DDX10: variants seen among roughly 807,000 people sequenced by gnomAD.
DDX10 encodes probable ATP-dependent RNA helicase DDX10.
DDX10 carries 74 observed loss-of-function variants against 104.3 expected under a neutral mutation model. The observed-to-expected ratio is 0.71, with a 90% CI of 0.59 to 0.86. DDX10 has a LOEUF of 0.86. DDX10 is among the 40% of genes least tolerant of loss of function. The pLI, the probability that DDX10 is intolerant of heterozygous loss-of-function variation, is 0.00. For missense variants in DDX10, 952 were observed against 1,040.0 expected (o/e 0.92, Z 1.16); for synonymous variants, 351 against 353.4 (o/e 0.99, Z 0.08).
intron 13 of DDX10, among the ~76,000 whole-genome samples, chr11:108,765,126 T>A (rs1191517141): frequency 6.6e-6 from 1 of 152,188 alleles, no homozygotes; most frequent in Non-Finnish European, 1.5e-5. Flanking sequence ...GGCAGAGTAA[T>A]CTACAGTAAC....
At chr11:108,937,013 T>C (rs1377564202) in intron 17 of DDX10, among the ~76,000 whole-genome samples, 4 of 152,202 alleles carry the variant, frequency 2.6e-5, no homozygotes, top group African/African-American at 9.7e-5. Flanking sequence ...AAATGACTGA[T>C]AGATAATTGG....
chr11:108,801,734 G>A (rs1178493821), intron 13 of DDX10, among the ~76,000 whole-genome samples: 1 of 151,472 alleles, frequency 6.6e-6, no homozygotes, highest in African/African-American at 2.4e-5. Flanking sequence ...TCAAATCCAG[G>A]TTTGTTTTTT....
intron 13 of DDX10, among the ~76,000 whole-genome samples, chr11:108,800,304 G>A (rs1368714481): frequency 1.3e-5 from 2 of 148,958 alleles, no homozygotes. Context: ...AATTAGCCAG[G>A]CATGGTGGCG....
intron 6 of DDX10, among the ~76,000 whole-genome samples, chr11:108,682,033 C>T (rs2094236016): frequency 6.6e-6 from 1 of 151,924 alleles, no homozygotes; most frequent in African/African-American, 2.4e-5. Flanking sequence ...AGTAGCAAAA[C>T]ACTTCCCTAC....
chr11:108,843,840 T>A (rs1862676093), intron 15 of DDX10, among the ~76,000 whole-genome samples: 2 of 152,218 alleles, frequency 1.3e-5, no homozygotes, highest in African/African-American at 4.8e-5. Context: ...TATAGCTAAC[T>A]ACTTTTAATT....
At chr11:108,694,912 A>C (rs2094257671) in intron 9 of DDX10, among the ~76,000 whole-genome samples, 2 of 152,126 alleles carry the variant, frequency 1.3e-5, no homozygotes, top group Admixed American at 1.3e-4. Context: ...ATAAAAAAAA[A>C]CCATAGTAAA....
intron 13 of DDX10, among the ~76,000 whole-genome samples, chr11:108,782,685 G>T (rs79136805): frequency 0.032 from 4,881 of 151,570 alleles, 186 homozygotes; most frequent in African/African-American, 0.094. Flanking sequence ...TCCCTTTATA[G>T]TGACCCTGTT....
intron 16 of DDX10, among the ~76,000 whole-genome samples, chr11:108,901,019 T>A (rs564349419): frequency 6.6e-6 from 1 of 152,268 alleles, no homozygotes; most frequent in African/African-American, 2.4e-5. Flanking sequence ...CTTCATGAAG[T>A]CTTTCTTAAT....
chr11:108,795,513 C>T (rs1409268824), intron 13 of DDX10, among the ~76,000 whole-genome samples: 1 of 122,498 alleles, frequency 8.2e-6, no homozygotes, highest in African/African-American at 3.1e-5. Flanking sequence ...CACAACAGGC[C>T]CCAGGGTGTG....
intron 13 of DDX10, among the ~76,000 whole-genome samples, chr11:108,821,844 G>C (rs1028308001): frequency 6.6e-6 from 1 of 152,136 alleles, no homozygotes; most frequent in Non-Finnish European, 1.5e-5. Context: ...AATTAGATTG[G>C]CATAGTTAAG....
chr11:108,703,779 T>C (rs1273922158), intron 9 of DDX10, among the ~76,000 whole-genome samples: 1 of 152,222 alleles, frequency 6.6e-6, no homozygotes, highest in African/African-American at 2.4e-5. Context: ...TTATGCCTTC[T>C]TTTAAAAAGT....
intron 17 of DDX10, chr11:108,919,890 A>G (rs1226888905): frequency 6.6e-6 from 1 of 152,060 alleles, no homozygotes; most frequent in Non-Finnish European, 1.5e-5. Context: ...CTTGTTCTCT[A>G]GTAGCTCATG....
At chr11:108,734,202 C>T (rs1475099753) in intron 13 of DDX10, among the ~76,000 whole-genome samples, 4 of 152,196 alleles carry the variant, frequency 2.6e-5, no homozygotes, top group Admixed American at 1.3e-4. Context: ...ATGTAATGTT[C>T]AGTTGACTTA....
intron 13 of DDX10, among the ~76,000 whole-genome samples, chr11:108,737,907 G>A (rs2094320344): frequency 6.6e-6 from 1 of 152,028 alleles, no homozygotes; most frequent in African/African-American, 2.4e-5. Flanking sequence ...TTCCACCTGC[G>A]TGCATTTTCA....
In DDX10 at chr11:108,692,042, A is replaced by G; in HGVS notation, c.1138+4A>G. On this transcript the variant is annotated splice_donor_region_variant and intron_variant, in intron 8 of 17. Transcript: ENST00000322536. ...GATATTGCAGCCAGGGGTCTGGGTA[A>G]GAAAACTTCCTATCATGAAATTTCT... 1 of 1,579,424 alleles carries G rather than the reference A, an allele frequency of 6.3e-7. No homozygotes were observed. Among genetic ancestry groups the G allele is most frequent in the African/African-American group, 1.4e-5 (1 of 73,568 alleles).
intron 4 of DDX10, among the ~76,000 whole-genome samples, chr11:108,677,636 T>C (rs1263699863): frequency 6.6e-6 from 1 of 150,644 alleles, no homozygotes; most frequent in Non-Finnish European, 1.5e-5. Context: ...GTAGACTCTT[T>C]AGAGGAATGT....
intron 16 of DDX10, among the ~76,000 whole-genome samples, chr11:108,885,556 G>A (rs113377173): frequency 1.3e-5 from 2 of 151,802 alleles, no homozygotes; most frequent in African/African-American, 4.8e-5. Flanking sequence ...CAGGGTTTCG[G>A]GTTTCACAGG....
At position 108,737,933 on chromosome 11, in the gene DDX10, G is replaced by C. The variant is rs114575051; in HGVS notation, c.1965+14471G>C. On this transcript the variant is annotated intron_variant, in intron 13 of 17. Transcript: ENST00000322536. ...TGCATTTTCATATGCACTGATTTTT[G>C]TCATGGGAAGAAACAAAGCAGAGGA... 1.1e-3 allele frequency among the ~76,000 whole-genome samples: 167 copies of C among 152,096 alleles called. 2 individuals carry two copies. Among genetic ancestry groups the C allele is most frequent in the African/African-American group, 3.9e-3 (162 of 41,506 alleles).
Position 108,689,069 on chromosome 11 carries a change from G to A in DDX10, c.975+7G>A, listed in dbSNP as rs1324627921. 1 of 1,613,174 alleles carries A rather than the reference G, an allele frequency of 6.2e-7. No individual in the cohort carries two copies. Among genetic ancestry groups the A allele is most frequent in the Non-Finnish European group, 8.5e-7 (1 of 1,179,668 alleles). On this transcript the variant is annotated splice_region_variant and intron_variant, in intron 7 of 17. Coordinates refer to ENST00000322536, the MANE Select transcript of DDX10 (RefSeq NM_004398.4). Reference sequence around the variant, plus strand: ...TTTTTCCAGTTGCAAAGAGGTATTGGCTGTTTATTTTGCTTTCTGAACGTA... The same window carrying A: ...TTTTTCCAGTTGCAAAGAGGTATTGACTGTTTATTTTGCTTTCTGAACGTA...
Sources: allele counts gnomAD v4.1 joint callset (sites outside exome capture counted in the v4.1 genomes callset), GRCh38; gene constraint gnomAD v4.1.1; transcripts MANE v1.5; gene names NCBI Gene and HGNC (gene_info 2026-07-23, HGNC 2026-07-21).